RAB11FIP2: variants seen among roughly 807,000 people sequenced by gnomAD.
RAB11FIP2 encodes the protein RAB11 family interacting protein 2.
RAB11FIP2 carries 16 observed loss-of-function variants against 40.9 expected under a neutral mutation model. That is an observed-to-expected ratio of 0.39 (90% CI 0.26 to 0.59). The LOEUF (loss-of-function observed/expected upper bound fraction) is 0.59, where lower values mean the gene tolerates loss of function less well. RAB11FIP2 is among the 20% of genes least tolerant of loss of function. RAB11FIP2 has a pLI of 0.53. For synonymous variants in RAB11FIP2, 228 were observed against 213.7 expected, an observed-to-expected ratio of 1.07 and a Z score of -0.58; for missense variants, 532 against 606.2, an observed-to-expected ratio of 0.88 and a Z score of 1.28.
chr10:118,008,944 C>G lies in RAB11FIP2; in HGVS notation c.*54G>C. On this transcript the variant is annotated 3_prime_UTR_variant, in exon 5 of 5. Coordinates refer to ENST00000355624, the MANE Select transcript of RAB11FIP2 (RefSeq NM_014904.3). ...TTCAGTAACAAGTTTTTCCTTCCTTCCTTCTTTCTTTCTCTCTCTTTGTCC... is the reference window on the plus strand; with the variant it reads ...TTCAGTAACAAGTTTTTCCTTCCTTGCTTCTTTCTTTCTCTCTCTTTGTCC... The G allele has an allele frequency of 7.0e-7, 1 of 1,432,288 alleles. No homozygotes were observed. The highest frequency in any genetic ancestry group is 9.7e-7 in the Non-Finnish European group (1 of 1,027,526). The allele number at this position is 1,432,288 out of a possible 1,614,324, so 88.7% of individuals were successfully genotyped here.
intron 3 of RAB11FIP2, among the ~76,000 whole-genome samples, chr10:118,032,971 G>A (rs919107676): frequency 1.3e-5 from 2 of 152,028 alleles, no homozygotes; most frequent in Non-Finnish European, 2.9e-5. Context: ...TGTGCAAGAG[G>A]AGTGATGCTG....
intron 3 of RAB11FIP2, among the ~76,000 whole-genome samples, chr10:118,036,428 A>G (rs1589646801): frequency 6.6e-6 from 1 of 152,160 alleles, no homozygotes; most frequent in Admixed American, 6.6e-5. Flanking sequence ...AAAATGTCCC[A>G]GATAGCTGAG....
chr10:118,038,099 TG>T (rs1206857213), intron 3 of RAB11FIP2, among the ~76,000 whole-genome samples: 2 of 151,900 alleles, frequency 1.3e-5, no homozygotes, highest in Non-Finnish European at 2.9e-5. Flanking sequence ...CCTGCAAATA[TG>T]GGGGGCCAAC....
intron 3 of RAB11FIP2, among the ~76,000 whole-genome samples, chr10:118,038,506 A>G (rs1846510188): frequency 6.6e-6 from 1 of 152,166 alleles, no homozygotes; most frequent in African/African-American, 2.4e-5. Context: ...TAGCCATTTA[A>G]TAAGGATAAT....
At chr10:118,045,648 G>A in intron 1 of RAB11FIP2, 163 bp downstream of exon 1, 1 of 570,076 alleles carries the variant, frequency 1.8e-6, no homozygotes, top group East Asian at 2.9e-5. Flanking sequence ...ATTTCATCAC[G>A]AGTGCTACTT....
chr10:118,012,150 A>G (rs1413972105), intron 4 of RAB11FIP2, among the ~76,000 whole-genome samples: 1 of 152,006 alleles, frequency 6.6e-6, no homozygotes. Flanking sequence ...CAAAATAATC[A>G]ATTATTATTT....
intron 1 of RAB11FIP2, chr10:118,045,282 A>G (rs983028280): frequency 1.3e-5 from 2 of 153,460 alleles, no homozygotes; most frequent in African/African-American, 4.8e-5. Context: ...ACAGGTATAG[A>G]CTCCCATCAA....
In RAB11FIP2 at chr10:118,006,935, T is replaced by C. The variant is rs2133157761; in HGVS notation, c.*2063A>G. On this transcript the variant is annotated 3_prime_UTR_variant, in exon 5 of 5. Coordinates refer to ENST00000355624, the MANE Select transcript of RAB11FIP2 (RefSeq NM_014904.3). Reference sequence around the variant, plus strand: ...TACTTGAACCATACTTTTAAATGAGTTCTATTTATGTAAAACATATCCCCA... The same window carrying C: ...TACTTGAACCATACTTTTAAATGAGCTCTATTTATGTAAAACATATCCCCA... 6.6e-6 allele frequency: 1 copy of C among 152,432 alleles called. No individual in the cohort carries two copies. The highest frequency in any genetic ancestry group is 1.9e-4 in the East Asian group (1 of 5,178). The allele number at this position is 152,432 out of a possible 1,614,324, so 9.4% of individuals were successfully genotyped here.
Position 118,045,851 on chromosome 10 carries a change from G to A in RAB11FIP2, c.313C>T (p.Leu105Phe). 1 of 1,613,458 alleles carries A rather than the reference G, an allele frequency of 6.2e-7. No homozygotes were observed. The highest frequency in any genetic ancestry group is 2.2e-5 in the East Asian group (1 of 44,876). Residue 105 changes from leucine (L) to phenylalanine (F), a missense_variant, in exon 1 of 5, where the codon CTC (leucine) becomes TTC (phenylalanine). Coordinates refer to ENST00000355624, the MANE Select transcript of RAB11FIP2 (RefSeq NM_014904.3). ...TGTTTGTCCTCAAAGATGTCATTGA[G>A]ATTGATTGCCACCTGCCCTAAAAAT... is the stretch of plus-strand genomic sequence containing the variant. ...DKFLGQVAIN[L>F]NDIFEDKQRR...
chr10:118,024,427 A>AC (rs1468824339), intron 3 of RAB11FIP2, among the ~76,000 whole-genome samples: 2 of 150,520 alleles, frequency 1.3e-5, no homozygotes, highest in African/African-American at 4.9e-5. Flanking sequence ...CCCTGAGTAG[A>AC]CCCTTGCCCG....
In RAB11FIP2 at chr10:118,007,458, A is replaced by C. The variant is rs1437117601; in HGVS notation, c.*1540T>G. The C allele has an allele frequency of 1.3e-5, 2 of 151,878 alleles. No homozygotes were observed. The highest frequency in any genetic ancestry group is 4.8e-5 in the African/African-American group (2 of 41,412). The allele number at this position is 151,878 out of a possible 1,614,324, so 9.4% of individuals were successfully genotyped here. A position where few individuals can be genotyped will look rare whatever the true frequency, so the allele number is the denominator to read the frequency against. ...AATACTAAAATAAGCAAAAAAAAAA[A>C]ACCCAAACTATTATATCGGCTTTTT... On this transcript the variant is annotated 3_prime_UTR_variant, in exon 5 of 5. Coordinates refer to ENST00000355624, the MANE Select transcript of RAB11FIP2 (RefSeq NM_014904.3).
chr10:118,020,841 C>T (rs1346133154), intron 3 of RAB11FIP2, among the ~76,000 whole-genome samples: 4 of 152,170 alleles, frequency 2.6e-5, no homozygotes, highest in Non-Finnish European at 4.4e-5. Context: ...AAACCATTCA[C>T]TTAATAATGT....
intron 4 of RAB11FIP2, among the ~76,000 whole-genome samples, chr10:118,013,397 T>C (rs1179182010): frequency 6.6e-6 from 1 of 152,126 alleles, no homozygotes; most frequent in Admixed American, 6.6e-5. Context: ...AACTGGCTAC[T>C]GCTCCTGTTT....
At position 118,045,972 on chromosome 10, in the gene RAB11FIP2, G is replaced by A. The variant is rs781427223; in HGVS notation, c.192C>T (p.Ala64=). 8.7e-6 allele frequency: 14 copies of A among 1,614,078 alleles called. No individual in the cohort carries two copies. Among genetic ancestry groups the A allele is most frequent in the Non-Finnish European group, 1.2e-5 (14 of 1,180,048 alleles). ...TTAGCAATCCAGGTAGCTCGAAAGA[G>A]GCCTCCTCCTTCCAAACTGGCTCAA... ...KTLEPVWKEE[A]SFELPGLLIQ... Residue 64 remains alanine, a synonymous_variant, in exon 1 of 5, where the codon GCC becomes GCT. Transcript: ENST00000355624.
chr10:118,005,464 G>A lies in RAB11FIP2; in HGVS notation c.*3534C>T, dbSNP rs41284398. 0.041 allele frequency: 6,270 copies of A among 152,604 alleles called. 202 individuals carry two copies. The highest frequency in any genetic ancestry group is 0.062 in the Non-Finnish European group (4,206 of 68,020). 9.5% of individuals were successfully genotyped at this position (152,604 alleles called of 1,614,324 possible). Reference sequence around the variant, plus strand: ...TTAAAGTTCTACATCTGTGCAAATGGGGGCTTTCCATGTGTGCTGACAGAC... The same window carrying A: ...TTAAAGTTCTACATCTGTGCAAATGAGGGCTTTCCATGTGTGCTGACAGAC... On this transcript the variant is annotated 3_prime_UTR_variant, in exon 5 of 5. Coordinates refer to ENST00000355624, the MANE Select transcript of RAB11FIP2 (RefSeq NM_014904.3).
At chr10:118,019,949 G>A (rs553298590) in intron 3 of RAB11FIP2, among the ~76,000 whole-genome samples, 6 of 152,210 alleles carry the variant, frequency 3.9e-5, no homozygotes, top group South Asian at 4.2e-4. Context: ...GAAACACCCC[G>A]TGTATTTCAT....
At chr10:118,017,775 T>C (rs1846238940) in intron 3 of RAB11FIP2, 1 of 152,196 alleles carries the variant, frequency 6.6e-6, no homozygotes, top group Admixed American at 6.5e-5. Context: ...TCAGTATATG[T>C]CTCAGGAAAA....
rs547543244 is a variant in RAB11FIP2, at chr10:118,019,176, T to C, written c.1266-4066A>G. Among the ~76,000 whole-genome samples, 16 of 152,308 alleles carry C rather than the reference T, an allele frequency of 1.1e-4. No homozygotes were observed. In the South Asian group the frequency reaches 3.3e-3, roughly 32 times the overall value. The stretch of plus-strand genomic sequence containing the variant: ...AAGCTCTTTGGAGGGCATTTAAAAA[T>C]AAGTATTTTTAAGTATTTAGAGTAT... On this transcript the variant is annotated intron_variant, in intron 3 of 4. Coordinates refer to ENST00000355624, the MANE Select transcript of RAB11FIP2 (RefSeq NM_014904.3).
Position 118,046,192 on chromosome 10 carries a change from C to T in RAB11FIP2, c.-29G>A. On this transcript the variant is annotated 5_prime_UTR_variant, in exon 1 of 5. Transcript: ENST00000355624. ...GTCCTGTTTCTCTGCCCCCGAGTTC[C>T]CTAGCACAGGCAGTGCCCCTCCCGG... 1 of 1,589,086 alleles carries T rather than the reference C, an allele frequency of 6.3e-7. No homozygotes were observed. Among genetic ancestry groups the T allele is most frequent in the South Asian group, 1.1e-5 (1 of 89,680 alleles).
Sources: gnomAD v4.1 joint callset for allele counts (sites outside exome capture counted in the v4.1 genomes callset) on GRCh38, gnomAD v4.1.1 for gene constraint, MANE v1.5 for transcripts, NCBI Gene and HGNC (gene_info 2026-07-23, HGNC 2026-07-21) for gene names.